The following CLTCL1 variants were observed in gnomAD, a reference collection of about 807,000 sequenced individuals.
CLTCL1 encodes the protein clathrin heavy chain like 1, also known as clathrin heavy chain 2.
In CLTCL1, 159 loss-of-function variants were observed where a neutral mutation model predicts 190.0. The ratio of observed to expected loss-of-function variants is 0.84; its 90% CI spans 0.74 to 0.95. The LOEUF (loss-of-function observed/expected upper bound fraction) is 0.95. Ranked by LOEUF, CLTCL1 falls within the 40% of genes least tolerant of loss-of-function variation. The probability of loss-of-function intolerance (pLI) is 0.00; values close to 1 mark genes in which losing one functional copy is unlikely to be tolerated. For synonymous variants in CLTCL1, 752 were observed against 769.6 expected, an observed-to-expected ratio of 0.98 and a Z score of 0.38; for missense variants, 1,878 against 2,033.4, an observed-to-expected ratio of 0.92 and a Z score of 1.47.
chr22:19,250,545 T>A (rs2146040174), intron 3 of CLTCL1, among the ~76,000 whole-genome samples: 1 of 109,950 alleles, frequency 9.1e-6, no homozygotes, highest in South Asian at 3.9e-4. Flanking sequence ...CCACATTCTA[T>A]TTTTTTTAAC....
intron 2 of CLTCL1, among the ~76,000 whole-genome samples, chr22:19,268,015 A>C (rs1477256139): frequency 6.6e-6 from 1 of 152,134 alleles, no homozygotes; most frequent in Non-Finnish European, 1.5e-5. Context: ...AAAATTAGTA[A>C]GTTTTGCCCT....
intron 19 of CLTCL1, among the ~76,000 whole-genome samples, chr22:19,213,873 A>T (rs2085307254): frequency 6.6e-6 from 1 of 152,214 alleles, no homozygotes; most frequent in African/African-American, 2.4e-5. Context: ...ACAGATCTAC[A>T]CTTGTGTTAA....
rs782309729 is a variant in CLTCL1 at position 19,216,229 on chromosome 22, G to A, written c.2947C>T (p.Arg983Trp). 4.8e-5 allele frequency: 77 copies of A among 1,613,904 alleles called. No homozygotes were observed. The East Asian group carries it at 1.5e-3, about 31-fold the overall frequency. ...GTGACCGAAATCTCTTCAGGATCCC[G>A]TGTTTCTGACAATGCTGTCTGTACC... ...QVVQTALSETRDPEEISVTVK... is the reference protein window; with the variant it reads ...QVVQTALSETWDPEEISVTVK... The change falls in exon 19 of 33, where the codon CGG (arginine) becomes TGG (tryptophan). Residue 983 changes from arginine (R) to tryptophan (W), a missense_variant. Coordinates refer to ENST00000427926, the MANE Select transcript of CLTCL1 (RefSeq NM_007098.4).
intron 13 of CLTCL1, 95 bp downstream of exon 13, chr22:19,225,358 C>T: frequency 2.2e-6 from 3 of 1,347,200 alleles, no homozygotes; most frequent in Non-Finnish European, 3.0e-6. Context: ...CCTGGCTTTG[C>T]AGGAAGGCCG....
chr22:19,196,132 A>G (rs1042898865), intron 26 of CLTCL1, 134 bp downstream of exon 26: 1 of 838,080 alleles, frequency 1.2e-6, no homozygotes, highest in Non-Finnish European at 1.8e-6. Context: ...AGGGTGGTGG[A>G]CTCATACAAG....
intron 7 of CLTCL1, among the ~76,000 whole-genome samples, chr22:19,234,104 G>A (rs2086001891): frequency 6.6e-6 from 1 of 152,166 alleles, no homozygotes. Context: ...GCCATATGCC[G>A]AAATGCTATA....
chr22:19,236,292 T>C (rs1356562887), intron 5 of CLTCL1, among the ~76,000 whole-genome samples: 1 of 152,216 alleles, frequency 6.6e-6, no homozygotes, highest in Non-Finnish European at 1.5e-5. Context: ...TCCATTTATC[T>C]TTCAGGTAGA....
chr22:19,237,237 G>A (rs1555962662), intron 5 of CLTCL1, among the ~76,000 whole-genome samples: 1 of 152,142 alleles, frequency 6.6e-6, no homozygotes, highest in Admixed American at 6.5e-5. Context: ...CTGCTTGGGA[G>A]GCTGAGGCAG....
chr22:19,267,413 A>G (rs2087154240), intron 2 of CLTCL1, among the ~76,000 whole-genome samples: 1 of 152,352 alleles, frequency 6.6e-6, no homozygotes. Flanking sequence ...TGTAATCTCT[A>G]TCAAAGCCCC....
intron 29 of CLTCL1, among the ~76,000 whole-genome samples, chr22:19,186,398 C>T (rs1306443777): frequency 6.6e-6 from 1 of 151,944 alleles, no homozygotes; most frequent in Non-Finnish European, 1.5e-5. Flanking sequence ...GGGGGTCCCT[C>T]CAGGCAGCCC....
intron 27 of CLTCL1, among the ~76,000 whole-genome samples, chr22:19,190,277 A>G (rs1026442438): frequency 6.6e-6 from 1 of 152,164 alleles, no homozygotes; most frequent in South Asian, 2.1e-4. Flanking sequence ...CCTAATTCCA[A>G]TGCTGTTGTG....
chr22:19,206,811 T>C (rs1388426602), intron 22 of CLTCL1, among the ~76,000 whole-genome samples: 1 of 152,182 alleles, frequency 6.6e-6, no homozygotes, highest in East Asian at 1.9e-4. Flanking sequence ...TATAGAGTTA[T>C]AATACATTCC....
At chr22:19,229,553 T>TA (rs2085853841) in intron 11 of CLTCL1, among the ~76,000 whole-genome samples, 1 of 152,150 alleles carries the variant, frequency 6.6e-6, no homozygotes, top group Non-Finnish European at 1.5e-5. Flanking sequence ...ATCAGACACT[T>TA]AAAAGTTGTT....
At position 19,210,496 on chromosome 22, in the gene CLTCL1, G is replaced by T; in HGVS notation, c.3079C>A (p.Leu1027Met). ...VFSEHRNLQNLLILTAIKADR... is the reference protein window; with the variant it reads ...VFSEHRNLQNMLILTAIKADR... ...GCCTTGATGGCAGTCAGGATCAACA[G>T]ATTCTGTAGATTCCTGAGGAGAGAG... The change falls in exon 20 of 33, where the codon CTG (leucine) becomes ATG (methionine). Residue 1027 changes from leucine to methionine, a missense_variant. By Grantham distance (15) the Leu-to-Met change is conservative. Coordinates refer to ENST00000427926, the MANE Select transcript of CLTCL1 (RefSeq NM_007098.4). 6.2e-7 allele frequency: 1 copy of T among 1,613,590 alleles called. No individual in the cohort carries two copies. The highest frequency in any genetic ancestry group is 1.1e-5 in the South Asian group (1 of 91,058).
intron 2 of CLTCL1, among the ~76,000 whole-genome samples, chr22:19,255,185 T>C (rs1555971904): frequency 2.6e-5 from 4 of 152,350 alleles, no homozygotes. Context: ...AAGAAAATCC[T>C]GCAGAATCTA....
At chr22:19,197,123 C>T (rs899077283) in intron 24 of CLTCL1, among the ~76,000 whole-genome samples, 1 of 152,176 alleles carries the variant, frequency 6.6e-6, no homozygotes, top group Admixed American at 6.5e-5. Flanking sequence ...GCCTCTGACA[C>T]TCTCCCTGGA....
Position 19,213,731 on chromosome 22 carries a change from A to C in CLTCL1, c.3065+2380T>G, listed in dbSNP as rs550368286. ...ATTTGCATGACATTCTTGAAAATGC[A>C]AAACTAGTGTGGCGGGGTGGTAGCC... On this transcript the variant is annotated intron_variant, in intron 19 of 32. Transcript: ENST00000427926. Among the ~76,000 whole-genome samples the C allele has an allele frequency of 4.6e-5, 7 of 151,634 alleles. No homozygotes were observed. In the South Asian group the frequency reaches 1.5e-3, roughly 32 times the overall value.
intron 1 of CLTCL1, among the ~76,000 whole-genome samples, chr22:19,282,871 CTTT>C (rs782332608): frequency 2.9e-5 from 4 of 137,888 alleles, no homozygotes; most frequent in Non-Finnish European, 3.2e-5. Flanking sequence ...TCTTTCTTTC[CTTT>C]TTTTTTTTTT....
At position 19,187,704 on chromosome 22, in the gene CLTCL1, A is replaced by G; in HGVS notation, c.4459T>C (p.Tyr1487His). ...YQGLRASIDA[Y>H]DNFDNISLAQ... ...AGGCTGATGTTGTCAAAGTTGTCAT[A>G]GGCATCGATAGATGCCCTTAAGCCC... Residue 1487 changes from tyrosine (Y) to histidine (H), a missense_variant, in exon 29 of 33, where the codon TAT becomes CAT. Coordinates refer to ENST00000427926, the MANE Select transcript of CLTCL1 (RefSeq NM_007098.4). 1 of 1,613,826 alleles carries G rather than the reference A, an allele frequency of 6.2e-7. No individual in the cohort carries two copies. Among genetic ancestry groups the G allele is most frequent in the Non-Finnish European group, 8.5e-7 (1 of 1,179,866 alleles).
Sources: gnomAD v4.1 joint callset for allele counts (sites outside exome capture counted in the v4.1 genomes callset) on GRCh38, gnomAD v4.1.1 for gene constraint, MANE v1.5 for transcripts, NCBI Gene and HGNC (gene_info 2026-07-23, HGNC 2026-07-21) for gene names.